PRKG1: variants seen among roughly 807,000 people sequenced by gnomAD.
PRKG1 encodes the protein cGMP-dependent protein kinase 1.
A neutral mutation model predicts 88.1 loss-of-function variants in PRKG1; 35 were observed. That is an observed-to-expected ratio of 0.40 (90% CI 0.30 to 0.53). The LOEUF is 0.53. Ranked by LOEUF, PRKG1 falls within the 20% of genes least tolerant of loss-of-function variation. The pLI, the probability that PRKG1 is intolerant of heterozygous loss-of-function variation, is 0.59. For missense variants in PRKG1, 540 were observed against 839.8 expected, an observed-to-expected ratio of 0.64 and a Z score of 4.41; for synonymous variants, 303 against 292.5, an observed-to-expected ratio of 1.04 and a Z score of -0.37.
intron 12 of PRKG1, 104 bp from the exon 13 acceptor site, chr10:52,280,685 G>A: frequency 7.9e-7 from 1 of 1,273,070 alleles, no homozygotes; most frequent in Non-Finnish European, 1.1e-6. Flanking sequence ...TGATCTCTGG[G>A]TTAAATTTTG....
chr10:51,503,572 C>T (rs1227761066), intron 3 of PRKG1, among the ~76,000 whole-genome samples: 1 of 152,188 alleles, frequency 6.6e-6, no homozygotes, highest in African/African-American at 2.4e-5. Flanking sequence ...AGGTCTGTAT[C>T]CTTAGCCAGC....
At chr10:51,991,927 A>C (rs1410051260) in intron 5 of PRKG1, among the ~76,000 whole-genome samples, 2 of 152,186 alleles carry the variant, frequency 1.3e-5, no homozygotes, top group Non-Finnish European at 2.9e-5. Context: ...TACACTGAAG[A>C]AACTGTATGT....
chr10:51,870,130 G>A (rs1228509410), intron 4 of PRKG1, among the ~76,000 whole-genome samples: 1 of 152,052 alleles, frequency 6.6e-6, no homozygotes, highest in Non-Finnish European at 1.5e-5. Flanking sequence ...TTTTCTTAAG[G>A]CAATGCAATT....
upstream of PRKG1, among the ~76,000 whole-genome samples, chr10:51,071,075 C>A (rs1481183227): frequency 6.6e-6 from 1 of 152,184 alleles, no homozygotes; most frequent in African/African-American, 2.4e-5. Context: ...TGTGCCTGAT[C>A]TTTGATCTTG....
At chr10:51,496,174 C>G (rs1478423951) in intron 3 of PRKG1, among the ~76,000 whole-genome samples, 1 of 152,030 alleles carries the variant, frequency 6.6e-6, no homozygotes, top group East Asian at 1.9e-4. Flanking sequence ...ATTGGTAATG[C>G]CATTCTATGT....
intron 2 of PRKG1, among the ~76,000 whole-genome samples, chr10:51,381,465 T>G (rs1218912394): frequency 6.6e-6 from 1 of 151,948 alleles, no homozygotes; most frequent in Non-Finnish European, 1.5e-5. Context: ...GATTCACAAC[T>G]GGGCATGGAG....
intron 9 of PRKG1, among the ~76,000 whole-genome samples, chr10:52,230,556 T>C (rs895596033): frequency 7.2e-5 from 11 of 152,144 alleles, no homozygotes; most frequent in African/African-American, 1.4e-4. Context: ...AGTAATGGAA[T>C]TGGGATTTGT....
chr10:52,201,188 C>T (rs971126362), intron 9 of PRKG1, among the ~76,000 whole-genome samples: 41 of 151,964 alleles, frequency 2.7e-4, no homozygotes, highest in African/African-American at 9.7e-4. Context: ...TACTTCCATG[C>T]TTTGCATTTA....
intron 5 of PRKG1, among the ~76,000 whole-genome samples, chr10:51,936,567 A>C (rs2133017726): frequency 6.6e-6 from 1 of 152,164 alleles, no homozygotes; most frequent in Admixed American, 6.6e-5. Context: ...ATGAGTCAAC[A>C]GGACTTGTGA....
At chr10:51,975,259 A>G (rs1388512785) in intron 5 of PRKG1, among the ~76,000 whole-genome samples, 2 of 152,018 alleles carry the variant, frequency 1.3e-5, no homozygotes, top group Non-Finnish European at 2.9e-5. Context: ...TAGAACCCAA[A>G]TCTGTCTGAG....
intron 3 of PRKG1, among the ~76,000 whole-genome samples, chr10:51,772,989 C>A (rs1222346308): frequency 6.6e-6 from 1 of 151,984 alleles, no homozygotes; most frequent in African/African-American, 2.4e-5. Flanking sequence ...AACTAGAGTG[C>A]ATCAGTTAGT....
chr10:51,218,469 T>G (rs1838428171), intron 2 of PRKG1, among the ~76,000 whole-genome samples: 1 of 138,278 alleles, frequency 7.2e-6, no homozygotes. Flanking sequence ...AAGTCTACTT[T>G]CATTATAGTT....
chr10:51,799,382 C>G (rs1329899444), intron 3 of PRKG1, among the ~76,000 whole-genome samples: 1 of 151,984 alleles, frequency 6.6e-6, no homozygotes. Flanking sequence ...TCTCAGCATC[C>G]CTGGACCACT....
chr10:51,237,584 C>T (rs369757765), intron 2 of PRKG1, among the ~76,000 whole-genome samples: 2 of 152,188 alleles, frequency 1.3e-5, no homozygotes, highest in Admixed American at 6.5e-5. Context: ...CTGGCACCCA[C>T]GCTCAGAGCA....
At chr10:51,899,527 T>C (rs2132928980) in intron 4 of PRKG1, among the ~76,000 whole-genome samples, 1 of 151,404 alleles carries the variant, frequency 6.6e-6, no homozygotes, top group South Asian at 2.1e-4. Context: ...ATTGGCCAGC[T>C]CATGCCTGTA....
chr10:52,007,335 G>C (rs563769955), intron 5 of PRKG1, among the ~76,000 whole-genome samples: 29 of 152,256 alleles, frequency 1.9e-4, no homozygotes, highest in South Asian at 1.7e-3. Context: ...AGAGTGGCAA[G>C]GTGGATAAAG....
At chr10:51,675,323 G>A (rs535208770) in intron 3 of PRKG1, among the ~76,000 whole-genome samples, 34 of 152,282 alleles carry the variant, frequency 2.2e-4, no homozygotes, top group Non-Finnish European at 3.4e-4. Context: ...GGCACAGCAG[G>A]AATGTGTGTA....
At chr10:51,841,518 T>C (rs374683589) in intron 4 of PRKG1, among the ~76,000 whole-genome samples, 1 of 152,272 alleles carries the variant, frequency 6.6e-6, no homozygotes, top group East Asian at 1.9e-4. Context: ...TCTTGAGGAA[T>C]GAACAATGAA....
intron 3 of PRKG1, among the ~76,000 whole-genome samples, chr10:51,711,885 C>T (rs1043799263): frequency 4.6e-5 from 7 of 152,164 alleles, no homozygotes; most frequent in African/African-American, 1.7e-4. Flanking sequence ...AATGAGTTTA[C>T]ATTCTTTTCT....
Sources: gnomAD v4.1 joint callset for allele counts (sites outside exome capture counted in the v4.1 genomes callset) on GRCh38, gnomAD v4.1.1 for gene constraint, MANE v1.5 for transcripts, NCBI Gene and HGNC (gene_info 2026-07-23, HGNC 2026-07-21) for gene names.